The following TMEM116 variants were observed in gnomAD, a reference collection of about 807,000 sequenced individuals.
TMEM116 encodes the protein transmembrane protein 116.
TMEM116 carries 38 observed loss-of-function variants against 44.3 expected under a neutral mutation model. The ratio of observed to expected loss-of-function variants is 0.86; its 90% confidence interval spans 0.66 to 1.12. TMEM116 has a LOEUF of 1.12. Among genes scored for constraint, TMEM116 ranks in the 50% most tolerant of loss-of-function variants. TMEM116 has a pLI of 0.00. For synonymous variants in TMEM116, 132 were observed against 144.8 expected (o/e 0.91, Z 0.64); for missense variants, 354 against 401.7 (o/e 0.88, Z 1.01).
intron 3 of TMEM116, chr12:112,000,727 C>A (rs561414022): frequency 3.7e-5 from 20 of 534,128 alleles, no homozygotes; most frequent in Middle Eastern, 5.9e-4. Context: ...TCCATTTCCT[C>A]TCCTGATATT....
chr12:112,006,658 G>A (rs985072724), intron 1 of TMEM116, among the ~76,000 whole-genome samples: 7 of 152,130 alleles, frequency 4.6e-5, no homozygotes, highest in Non-Finnish European at 8.8e-5. Flanking sequence ...TAGGAAAAAT[G>A]GCCTGAATAC....
intron 4 of TMEM116, among the ~76,000 whole-genome samples, chr12:111,984,984 A>G (rs2076144202): frequency 6.6e-6 from 1 of 152,158 alleles, no homozygotes; most frequent in South Asian, 2.1e-4. Flanking sequence ...TAAAGTCCAT[A>G]TATGAAAAGC....
intron 4 of TMEM116, among the ~76,000 whole-genome samples, chr12:111,982,676 CT>C (rs1183521073): frequency 3.3e-5 from 5 of 151,916 alleles, no homozygotes; most frequent in Non-Finnish European, 7.4e-5. Flanking sequence ...CATGCAGATA[CT>C]GGGGAATCTA....
intron 8 of TMEM116, 130 bp downstream of exon 8, chr12:111,936,562 C>G: frequency 2.1e-6 from 2 of 956,948 alleles, no homozygotes; most frequent in South Asian, 4.1e-5. Flanking sequence ...TCAAGATCTC[C>G]TAGCTACTTT....
In TMEM116 at chr12:111,931,429, A is replaced by G; in HGVS notation, c.*192T>C. Reference sequence around the variant, plus strand: ...CTGAATAGAGACTTTAAGGATCACTAGTGAATCTGGGAATAACTGGAGAGA... The same window carrying G: ...CTGAATAGAGACTTTAAGGATCACTGGTGAATCTGGGAATAACTGGAGAGA... On this transcript the variant is annotated 3_prime_UTR_variant, in exon 11 of 11. Transcript: ENST00000552374. 1.6e-6 allele frequency: 1 copy of G among 606,742 alleles called. No individual in the cohort carries two copies. The highest frequency in any genetic ancestry group is 2.9e-6 in the Non-Finnish European group (1 of 346,466). 37.6% of individuals were successfully genotyped at this position (606,742 alleles called of 1,614,324 possible).
At chr12:111,935,613 C>CGT (rs35906022) in intron 8 of TMEM116, 13,211 of 120,230 alleles carry the variant, frequency 0.11, 851 homozygotes, top group African/African-American at 0.19. Context: ...TGAGCCATCT[C>CGT]GTGTGTGTGT....
intron 2 of TMEM116, 132 bp downstream of exon 2, chr12:112,005,124 CA>C: frequency 1.8e-6 from 1 of 559,062 alleles, no homozygotes; most frequent in Non-Finnish European, 2.9e-6. Context: ...AAGAAAATAT[CA>C]AGATGATAAA....
At chr12:111,966,434 G>A (rs754354722) in intron 4 of TMEM116, among the ~76,000 whole-genome samples, 5 of 152,084 alleles carry the variant, frequency 3.3e-5, no homozygotes, top group Admixed American at 1.3e-4. Context: ...AACTTAGATA[G>A]GTCAACAGTA....
chr12:111,966,777 T>C (rs1263917416), intron 4 of TMEM116, among the ~76,000 whole-genome samples: 1 of 152,236 alleles, frequency 6.6e-6, no homozygotes, highest in Non-Finnish European at 1.5e-5. Context: ...CCAGCTGTAC[T>C]GAGCCATTTC....
intron 3 of TMEM116, among the ~76,000 whole-genome samples, chr12:111,997,092 A>G (rs2076970641): frequency 6.6e-6 from 1 of 152,194 alleles, no homozygotes; most frequent in Admixed American, 6.5e-5. Context: ...TGAGAGGGAG[A>G]GCTGTGATTG....
At chr12:111,996,061 A>T (rs1186169282) in intron 3 of TMEM116, among the ~76,000 whole-genome samples, 1 of 150,258 alleles carries the variant, frequency 6.7e-6, no homozygotes, top group African/African-American at 2.4e-5. Context: ...AAAAAAAAAA[A>T]ATCTATTCCA....
intron 5 of TMEM116, among the ~76,000 whole-genome samples, 160 bp from the exon 6 acceptor site, chr12:111,938,370 T>C (rs969116348): frequency 2.6e-5 from 4 of 152,220 alleles, no homozygotes; most frequent in African/African-American, 7.2e-5. Flanking sequence ...AAATAGATAG[T>C]TCCTTATTAG....
chr12:111,999,027 T>C (rs1042105010), intron 3 of TMEM116, among the ~76,000 whole-genome samples: 1 of 152,134 alleles, frequency 6.6e-6, no homozygotes, highest in Non-Finnish European at 1.5e-5. Context: ...AGAAAAATTC[T>C]ACCCCTCCTA....
chr12:111,964,042 GT>G (rs528105137), intron 4 of TMEM116, among the ~76,000 whole-genome samples: 1 of 140,918 alleles, frequency 7.1e-6, no homozygotes, highest in African/African-American at 2.6e-5. Flanking sequence ...AACAACTCCC[GT>G]TTTTTTTTTC....
intron 3 of TMEM116, among the ~76,000 whole-genome samples, chr12:111,999,807 A>G (rs1351117478): frequency 6.6e-6 from 1 of 152,206 alleles, no homozygotes; most frequent in Non-Finnish European, 1.5e-5. Context: ...GACAAACACA[A>G]TGAAGAATTA....
At chr12:111,958,277 TAAAAAAAAAAAA>T (rs61637468) in intron 4 of TMEM116, among the ~76,000 whole-genome samples, 11 of 27,518 alleles carry the variant, frequency 4.0e-4, no homozygotes, top group Non-Finnish European at 8.1e-4. Context: ...CAATAAATAC[TAAAAAAAAAAAA>T]AAAAAAAAAA....
intron 4 of TMEM116, among the ~76,000 whole-genome samples, chr12:111,985,785 C>T (rs1192366966): frequency 2.0e-5 from 3 of 151,866 alleles, no homozygotes; most frequent in Admixed American, 6.6e-5. Flanking sequence ...TTTGTAGAGA[C>T]GAGGTCTCGC....
intron 4 of TMEM116, among the ~76,000 whole-genome samples, chr12:111,984,644 G>C (rs552650909): frequency 6.6e-6 from 1 of 151,994 alleles, no homozygotes; most frequent in South Asian, 2.1e-4. Flanking sequence ...TGACTATAGT[G>C]AACAATAACT....
At chr12:111,987,297 G>A (rs974936079) in intron 4 of TMEM116, among the ~76,000 whole-genome samples, 1 of 152,062 alleles carries the variant, frequency 6.6e-6, no homozygotes, top group African/African-American at 2.4e-5. Context: ...TTGAAGTCAG[G>A]AGTTCAAGAC....
Sources: allele counts gnomAD v4.1 joint callset (sites outside exome capture counted in the v4.1 genomes callset), GRCh38; gene constraint gnomAD v4.1.1; transcripts MANE v1.5; gene names NCBI Gene and HGNC (gene_info 2026-07-23, HGNC 2026-07-21).